CDKAL1: variants seen among roughly 807,000 people sequenced by gnomAD.
CDKAL1 encodes the protein threonylcarbamoyladenosine tRNA methylthiotransferase.
CDKAL1 carries 32 observed loss-of-function variants against 68.2 expected under a neutral mutation model. That is an observed-to-expected ratio of 0.47 (90% CI 0.35 to 0.63). The LOEUF (loss-of-function observed/expected upper bound fraction) is 0.63, where lower values mean the gene tolerates loss of function less well. Among genes scored for constraint, CDKAL1 ranks in the 30% least tolerant of loss-of-function variants. CDKAL1 has a pLI of 0.00. For synonymous variants in CDKAL1, 234 were observed against 244.3 expected, an observed-to-expected ratio of 0.96 and a Z score of 0.39; for missense variants, 606 against 696.7, an observed-to-expected ratio of 0.87 and a Z score of 1.47.
chr6:20,746,291 T>G (rs1773661856), intron 6 of CDKAL1, among the ~76,000 whole-genome samples: 1 of 152,226 alleles, frequency 6.6e-6, no homozygotes, highest in African/African-American at 2.4e-5. Context: ...TACTGTCATG[T>G]AACTTCTGTT....
At chr6:21,180,638 T>C (rs1349791585) in intron 13 of CDKAL1, among the ~76,000 whole-genome samples, 1 of 152,204 alleles carries the variant, frequency 6.6e-6, no homozygotes, top group African/African-American at 2.4e-5. Flanking sequence ...ATACATTTTT[T>C]TTTTACTATG....
intron 4 of CDKAL1, among the ~76,000 whole-genome samples, chr6:20,575,360 A>G (rs1436749838): frequency 6.7e-6 from 1 of 149,376 alleles, no homozygotes; most frequent in Non-Finnish European, 1.5e-5. Flanking sequence ...ACCTGTTAGA[A>G]TTATGTCTGC....
At chr6:20,802,944 A>C (rs1239321413) in intron 8 of CDKAL1, among the ~76,000 whole-genome samples, 2 of 152,192 alleles carry the variant, frequency 1.3e-5, no homozygotes, top group Non-Finnish European at 2.9e-5. Flanking sequence ...TGCAGAAGAG[A>C]CATCCTAACA....
At chr6:20,969,454 T>C (rs1392666665) in intron 10 of CDKAL1, among the ~76,000 whole-genome samples, 1 of 152,148 alleles carries the variant, frequency 6.6e-6, no homozygotes, top group Non-Finnish European at 1.5e-5. Flanking sequence ...GAGCTGTTGA[T>C]TTTGCAGTCT....
At chr6:21,131,170 G>A (rs776247610) in intron 13 of CDKAL1, among the ~76,000 whole-genome samples, 29 of 152,174 alleles carry the variant, frequency 1.9e-4, no homozygotes, top group Middle Eastern at 3.2e-3. Context: ...GGCATAAAAG[G>A]AGTAAGTGCT....
chr6:20,645,015 C>T (rs1162027318), intron 4 of CDKAL1, among the ~76,000 whole-genome samples: 3 of 152,050 alleles, frequency 2.0e-5, no homozygotes, highest in Non-Finnish European at 2.9e-5. Context: ...AGCATATTGC[C>T]GTATTGAATA....
At chr6:20,767,374 A>G (rs966327821) in intron 7 of CDKAL1, among the ~76,000 whole-genome samples, 2 of 152,282 alleles carry the variant, frequency 1.3e-5, no homozygotes, top group Admixed American at 1.3e-4. Flanking sequence ...TGATTTCCCT[A>G]AAATTAAAAA....
rs982417947 is a variant in CDKAL1, at chr6:20,781,584, A to G, written c.638+319A>G. ...CTTTATTTTGTTGAATGATTAAGAC[A>G]CTTGTCATATTCGACTGTTTTTTTC... On this transcript the variant is annotated intron_variant, in intron 8 of 15. Transcript: ENST00000274695. Among the ~76,000 whole-genome samples the G allele has an allele frequency of 6.6e-5, 10 of 152,306 alleles. No homozygotes were observed. In the East Asian group the frequency reaches 1.2e-3, roughly 18 times the overall value.
chr6:20,730,080 G>A (rs1203728758), intron 5 of CDKAL1, among the ~76,000 whole-genome samples: 1 of 152,146 alleles, frequency 6.6e-6, no homozygotes, highest in Non-Finnish European at 1.5e-5. Context: ...AGCACTTTGG[G>A]ATGCCGAGAT....
intron 6 of CDKAL1, among the ~76,000 whole-genome samples, chr6:20,749,002 T>C (rs897093843): frequency 5.9e-5 from 9 of 152,108 alleles, no homozygotes; most frequent in African/African-American, 1.4e-4. Flanking sequence ...TGTGTGTATA[T>C]ATATATATAA....
chr6:21,195,361 C>T (rs1355548529), intron 13 of CDKAL1, among the ~76,000 whole-genome samples: 1 of 152,132 alleles, frequency 6.6e-6, no homozygotes. Flanking sequence ...CAGGGTTTCA[C>T]CACGTTGGCC....
chr6:21,042,846 C>T (rs1264178813), intron 11 of CDKAL1, among the ~76,000 whole-genome samples: 3 of 152,164 alleles, frequency 2.0e-5, no homozygotes, highest in African/African-American at 7.2e-5. Flanking sequence ...TATTACGATA[C>T]TCCCATTCAT....
chr6:20,609,264 C>CTTCCTT (rs1554162612), intron 4 of CDKAL1, among the ~76,000 whole-genome samples: 3 of 79,940 alleles, frequency 3.8e-5, no homozygotes, highest in Non-Finnish European at 7.9e-5. Context: ...CTCCTTCCTT[C>CTTCCTT]CTCCTCCTTC....
rs1343077976 is a variant in CDKAL1 at position 20,980,202 on chromosome 6, G to C, written c.910-20025G>C. Among the ~76,000 whole-genome samples, 5 of 123,468 alleles carry C rather than the reference G, an allele frequency of 4.0e-5. No homozygotes were observed. The East Asian group carries it at 9.8e-4, about 24-fold the overall frequency. The allele number at this position is 123,468 out of a possible 152,430, so 81.0% of individuals were successfully genotyped here. A position where few individuals can be genotyped will look rare whatever the true frequency, so the allele number is the denominator to read the frequency against. ...AAGCCTCCAAAGATAGATAGATATA[G>C]ATATAGATATAGATATAGATATAGA... On this transcript the variant is annotated intron_variant, in intron 10 of 15. Transcript: ENST00000274695.
At chr6:21,183,728 C>G (rs1177245970) in intron 13 of CDKAL1, among the ~76,000 whole-genome samples, 3 of 152,178 alleles carry the variant, frequency 2.0e-5, no homozygotes, top group African/African-American at 7.2e-5. Flanking sequence ...CAACAATAAT[C>G]TAACTTGTCC....
chr6:21,104,953 C>G (rs1773775395), intron 12 of CDKAL1, among the ~76,000 whole-genome samples: 1 of 152,216 alleles, frequency 6.6e-6, no homozygotes, highest in Non-Finnish European at 1.5e-5. Flanking sequence ...TCTGATAAGC[C>G]TCAGTTCTTG....
At chr6:20,920,385 C>T (rs553630907) in intron 9 of CDKAL1, among the ~76,000 whole-genome samples, 2 of 152,192 alleles carry the variant, frequency 1.3e-5, no homozygotes, top group South Asian at 4.1e-4. Context: ...CAAGATGAGA[C>T]GAGGATAGGG....
intron 4 of CDKAL1, among the ~76,000 whole-genome samples, chr6:20,642,049 G>C (rs559965042): frequency 7.9e-5 from 12 of 152,008 alleles, no homozygotes; most frequent in South Asian, 2.1e-4. Flanking sequence ...TTTCTATTTT[G>C]ATACGAGAAT....
intron 13 of CDKAL1, among the ~76,000 whole-genome samples, chr6:21,146,500 A>G (rs908031253): frequency 6.6e-6 from 1 of 152,126 alleles, no homozygotes; most frequent in African/African-American, 2.4e-5. Flanking sequence ...GAGAGGAGGA[A>G]AACTCTTTTT....
Sources: gnomAD v4.1 joint callset for allele counts (sites outside exome capture counted in the v4.1 genomes callset) on GRCh38, gnomAD v4.1.1 for gene constraint, MANE v1.5 for transcripts, NCBI Gene and HGNC (gene_info 2026-07-23, HGNC 2026-07-21) for gene names.